The following TPRKB variants were observed in gnomAD, a reference collection of about 807,000 sequenced individuals.
The protein encoded by TPRKB is TP53RK binding protein.
Under a neutral mutation model 17.8 loss-of-function variants are expected in TPRKB, and 11 were observed. The observed-to-expected ratio is 0.62, with a 90% CI of 0.39 to 1.02. TPRKB has a LOEUF of 1.02. TPRKB is among the 50% of genes least tolerant of loss of function. The pLI, the probability that TPRKB is intolerant of heterozygous loss-of-function variation, is 0.00. For synonymous variants in TPRKB, 71 were observed against 69.5 expected, an observed-to-expected ratio of 1.02 and a Z score of -0.11; for missense variants, 228 against 198.0, an observed-to-expected ratio of 1.15 and a Z score of -0.91.
chr2:73,732,279 C>G lies in TPRKB; in HGVS notation c.148G>C (p.Asp50His). Residue 50 changes from aspartate to histidine, a missense_variant, in exon 3 of 5, where the codon GAT (aspartate) becomes CAT (histidine). Physicochemically the swap from Asp to His is moderately conservative, Grantham distance 81. Coordinates refer to ENST00000272424, the MANE Select transcript of TPRKB (RefSeq NM_016058.5). ...GCTGCCACAAGTATCTGAAATGGATCAACAATCTACCAAAGCAAGGAAAAA... is the reference window on the plus strand; with the variant it reads ...GCTGCCACAAGTATCTGAAATGGATGAACAATCTACCAAAGCAAGGAAAAA... Reference protein sequence around the residue: ...GSLINPTVIVDPFQILVAANK... With the variant: ...GSLINPTVIVHPFQILVAANK... 1 of 1,611,784 alleles carries G rather than the reference C, an allele frequency of 6.2e-7. No homozygotes were observed. The highest frequency in any genetic ancestry group is 1.1e-5 in the South Asian group (1 of 90,462).
chr2:73,732,679 A>G (rs1467837144), intron 2 of TPRKB: 1 of 158,778 alleles, frequency 6.3e-6, no homozygotes, highest in Non-Finnish European at 1.4e-5. Flanking sequence ...ATTGCACTCC[A>G]GCCTGGGCAA....
At chr2:73,732,073 T>G in intron 3 of TPRKB, 90 bp downstream of exon 3, 1 of 1,435,700 alleles carries the variant, frequency 7.0e-7, no homozygotes, top group Non-Finnish European at 9.5e-7. Context: ...TACTAACCAC[T>G]GGCTTGCAGG....
At chr2:73,730,073 TCACTA>T (rs780784675) in intron 4 of TPRKB, 44 bp from the exon 5 acceptor site, 7 of 1,505,332 alleles carry the variant, frequency 4.7e-6, no homozygotes, top group Admixed American at 2.2e-5. Context: ...ATATCGTCAT[TCACTA>T]CTAATTGTCA....
intron 2 of TPRKB, among the ~76,000 whole-genome samples, chr2:73,733,063 G>A (rs535787730): frequency 7.9e-5 from 12 of 152,192 alleles, no homozygotes; most frequent in East Asian, 1.9e-4. Flanking sequence ...GTTAGAGACC[G>A]ATGAAACAGT....
intron 3 of TPRKB, 75 bp from the exon 4 acceptor site, chr2:73,730,811 CT>C (rs1671572845): frequency 9.2e-7 from 1 of 1,088,278 alleles, no homozygotes; most frequent in African/African-American, 1.7e-5. Flanking sequence ...ATTTCCTGAT[CT>C]GCCTTCTTCC....
chr2:73,732,447 C>T (rs184087376), intron 2 of TPRKB, 162 bp from the exon 3 acceptor site: 2 of 793,834 alleles, frequency 2.5e-6, no homozygotes, highest in Admixed American at 3.0e-5. Context: ...CACGGTGGCT[C>T]ACACCTGTAA....
Position 73,730,556 on chromosome 2 carries a change from A to G in TPRKB, c.441+4T>C. Reference sequence around the variant, plus strand: ...ACTCTTTCTAAAAATATGGACTGGCAAACCTTTTTGACTTCTGTAATATTC... The same window carrying G: ...ACTCTTTCTAAAAATATGGACTGGCGAACCTTTTTGACTTCTGTAATATTC... On this transcript the variant is annotated splice_donor_region_variant and intron_variant, in intron 4 of 4. Coordinates refer to ENST00000272424, the MANE Select transcript of TPRKB (RefSeq NM_016058.5). 6 of 1,575,314 alleles carry G rather than the reference A, an allele frequency of 3.8e-6. No individual in the cohort carries two copies. The highest frequency in any genetic ancestry group is 5.1e-6 in the Non-Finnish European group (6 of 1,166,842).
rs1302494398 is a variant in TPRKB at position 73,730,621 on chromosome 2, T to C, written c.380A>G (p.Glu127Gly). 28 of 1,594,400 alleles carry C rather than the reference T, an allele frequency of 1.8e-5. No individual in the cohort carries two copies. Among genetic ancestry groups the C allele is most frequent in the Non-Finnish European group, 2.4e-5 (28 of 1,172,716 alleles). The change falls in exon 4 of 5, where the codon GAA becomes GGA. Residue 127 changes from glutamate to glycine, a missense_variant. By Grantham distance (98) the Glu-to-Gly change is moderately conservative. Coordinates refer to ENST00000272424, the MANE Select transcript of TPRKB (RefSeq NM_016058.5). ...ATTTTTCAGAGAAACCTGATGACCT[T>C]CTACTTGAGATATTAGGTATTCTTG... is the stretch of plus-strand genomic sequence containing the variant. ...INQEYLISQV[E>G]GHQVSLKNLP...
At chr2:73,736,834 A>G (rs1671906054) in intron 1 of TPRKB, among the ~76,000 whole-genome samples, 1 of 151,852 alleles carries the variant, frequency 6.6e-6, no homozygotes, top group Non-Finnish European at 1.5e-5. Flanking sequence ...GGTGTTCCAC[A>G]CTCTACGATC....
intron 2 of TPRKB, among the ~76,000 whole-genome samples, chr2:73,733,330 T>C (rs1181773296): frequency 7.0e-6 from 1 of 142,188 alleles, no homozygotes; most frequent in Non-Finnish European, 1.5e-5. Flanking sequence ...TCAATCTCAA[T>C]TCACTGTAAC....
At chr2:73,732,465 A>G in intron 2 of TPRKB, 180 bp from the exon 3 acceptor site, 1 of 658,912 alleles carries the variant, frequency 1.5e-6, no homozygotes. Context: ...TAATCCTAGC[A>G]CTTTGGGAGG....
chr2:73,730,564 T>C lies in TPRKB; in HGVS notation c.437A>G (p.Lys146Arg), dbSNP rs1316008728. The change falls in exon 4 of 5, where the codon AAA (lysine) becomes AGA (arginine). Residue 146 changes from lysine (K) to arginine (R), a missense_variant. Transcript: ENST00000272424. The part of the protein sequence containing the change: ...LPEIMNITEV[K>R]KIYKLSSQEE... ...TAAAAATATGGACTGGCAAACCTTTTTGACTTCTGTAATATTCATTATTTC... is the reference window on the plus strand; with the variant it reads ...TAAAAATATGGACTGGCAAACCTTTCTGACTTCTGTAATATTCATTATTTC... The C allele has an allele frequency of 6.3e-7, 1 of 1,580,934 alleles. No individual in the cohort carries two copies.
rs1248103523 is a variant in TPRKB, at chr2:73,731,991, C to T, written c.264+172G>A. ...AAATTTTTGTTTACTCATATGTAAA[C>T]TGTCTTAGTAAGAGGCAGGGTTAAA... is the stretch of plus-strand genomic sequence containing the variant. On this transcript the variant is annotated intron_variant, in intron 3 of 4. Transcript: ENST00000272424. 4.7e-6 allele frequency: 3 copies of T among 633,440 alleles called. No individual in the cohort carries two copies. In the African/African-American group the frequency reaches 5.6e-5, roughly 12 times the overall value. The allele number at this position is 633,440 out of a possible 1,614,324, so 39.2% of individuals were successfully genotyped here.
Position 73,730,818 on chromosome 2 carries a change from C to G in TPRKB, c.265-82G>C, listed in dbSNP as rs896247202. The G allele has an allele frequency of 4.9e-6, 5 of 1,015,408 alleles. No individual in the cohort carries two copies. The African/African-American group carries it at 8.5e-5, about 17-fold the overall frequency. 62.9% of individuals were successfully genotyped at this position (1,015,408 alleles called of 1,614,324 possible). On this transcript the variant is annotated intron_variant, in intron 3 of 4. Transcript: ENST00000272424. Reference sequence around the variant, plus strand: ...TCTGAAACATTTCCTGATCTGCCTTCTTCCTTGGTCAGGCTCTTATTTTTC... The same window carrying G: ...TCTGAAACATTTCCTGATCTGCCTTGTTCCTTGGTCAGGCTCTTATTTTTC...
At chr2:73,730,844 A>G (rs1671575424) in intron 3 of TPRKB, 108 bp from the exon 4 acceptor site, 2 of 760,234 alleles carry the variant, frequency 2.6e-6, no homozygotes, top group Non-Finnish European at 4.0e-6. Context: ...CTTATTTTTC[A>G]TGTCCTAACA....
chr2:73,734,737 T>C, intron 1 of TPRKB, 146 bp from the exon 2 acceptor site: 1 of 729,590 alleles, frequency 1.4e-6, no homozygotes, highest in Non-Finnish European at 2.1e-6. Flanking sequence ...TTTGGCATCC[T>C]CATGAGATGT....
chr2:73,734,558 T>C lies in TPRKB; in HGVS notation c.12A>G (p.Thr4=). Residue 4 remains threonine (T), a synonymous_variant, in exon 2 of 5, where the codon ACA becomes ACG. Transcript: ENST00000272424. The part of the protein sequence containing the change: MQL[T]HQLDLFPECR... Reference sequence around the variant, plus strand: ...ATTCGGGAAATAGGTCCAGCTGATGTGTTAACTGCATTTCACAGATAAGCA... The same window carrying C: ...ATTCGGGAAATAGGTCCAGCTGATGCGTTAACTGCATTTCACAGATAAGCA... 6.2e-7 allele frequency: 1 copy of C among 1,609,950 alleles called. No individual in the cohort carries two copies. Among genetic ancestry groups the C allele is most frequent in the African/African-American group, 1.3e-5 (1 of 74,770 alleles).
In TPRKB at chr2:73,729,878, T is replaced by C. The variant is rs1474687162; in HGVS notation, c.*65A>G. The C allele has an allele frequency of 4.3e-6, 6 of 1,396,892 alleles. No homozygotes were observed. Among genetic ancestry groups the C allele is most frequent in the Non-Finnish European group, 4.7e-6 (5 of 1,054,940 alleles). The allele number at this position is 1,396,892 out of a possible 1,614,324, so 86.5% of individuals were successfully genotyped here. On this transcript the variant is annotated 3_prime_UTR_variant, in exon 5 of 5. Coordinates refer to ENST00000272424, the MANE Select transcript of TPRKB (RefSeq NM_016058.5). ...TTTCTATAATGCACAATTAGTTTTA[T>C]AGTCAGGAAAGGAAAATCAATGTTT...
intron 3 of TPRKB, 156 bp downstream of exon 3, chr2:73,732,007 C>G: frequency 2.6e-6 from 2 of 773,818 alleles, no homozygotes; most frequent in Non-Finnish European, 4.0e-6. Flanking sequence ...TAGTAAGAGG[C>G]AGGGTTAAAC....
Sources: gnomAD v4.1 joint callset for allele counts (sites outside exome capture counted in the v4.1 genomes callset) on GRCh38, gnomAD v4.1.1 for gene constraint, MANE v1.5 for transcripts, NCBI Gene and HGNC (gene_info 2026-07-23, HGNC 2026-07-21) for gene names.